CTNNA2: variants seen among roughly 807,000 people sequenced by gnomAD.
The protein encoded by CTNNA2 is catenin alpha-2.
Under a neutral mutation model 101.0 loss-of-function variants are expected in CTNNA2, and 42 were observed. The ratio of observed to expected loss-of-function variants is 0.42; its 90% CI spans 0.32 to 0.54. The LOEUF (loss-of-function observed/expected upper bound fraction) is 0.54, where lower values mean the gene tolerates loss of function less well. Ranked by LOEUF, CTNNA2 falls within the 20% of genes least tolerant of loss-of-function variation. The pLI, the probability that CTNNA2 is intolerant of heterozygous loss-of-function variation, is 0.14. For synonymous variants in CTNNA2, 450 were observed against 456.4 expected, an observed-to-expected ratio of 0.99 and a Z score of 0.18; for missense variants, 871 against 1,223.1, an observed-to-expected ratio of 0.71 and a Z score of 4.29.
chr2:79,450,986 A>C (rs530130583), intron 4 of CTNNA2, among the ~76,000 whole-genome samples: 119 of 152,118 alleles, frequency 7.8e-4, no homozygotes, highest in African/African-American at 2.6e-3. Flanking sequence ...ATCCACACTC[A>C]CCCAGATGAG....
rs138174045 is a variant in CTNNA2 at position 79,890,289 on chromosome 2, G to A, written c.852+15947G>A. On this transcript the variant is annotated intron_variant, in intron 6 of 18. Transcript: ENST00000402739. The stretch of plus-strand genomic sequence containing the variant: ...GAACCACAGCCTGAAGCAGTTTATC[G>A]TATTTTAAACATGTTCTGTCCAAAA... 5.5e-4 allele frequency among the ~76,000 whole-genome samples: 84 copies of A among 152,264 alleles called. 1 individual carries two copies. Among genetic ancestry groups the A allele is most frequent in the African/African-American group, 1.8e-3 (76 of 41,548 alleles).
intron 3 of CTNNA2, among the ~76,000 whole-genome samples, chr2:79,844,778 A>C (rs1680074016): frequency 6.6e-6 from 1 of 152,054 alleles, no homozygotes. Context: ...AGGCCGAAGG[A>C]CTGCTTGATG....
At chr2:80,245,560 A>G (rs1173436526) in intron 7 of CTNNA2, among the ~76,000 whole-genome samples, 4 of 151,974 alleles carry the variant, frequency 2.6e-5, no homozygotes, top group Non-Finnish European at 4.4e-5. Context: ...CTTTCCTCAC[A>G]TATTTTTCTT....
intron 3 of CTNNA2, chr2:79,340,216 GGT>G (rs1161554278): frequency 6.6e-6 from 1 of 152,190 alleles, no homozygotes; most frequent in African/African-American, 2.4e-5. Flanking sequence ...CAATGTGTGT[GGT>G]GTGTGTATCT....
At chr2:80,639,335 C>T (rs2149849743) in intron 18 of CTNNA2, among the ~76,000 whole-genome samples, 1 of 152,128 alleles carries the variant, frequency 6.6e-6, no homozygotes, top group Non-Finnish European at 1.5e-5. Flanking sequence ...TCAGCCTCCC[C>T]AGTAGTTGGG....
chr2:80,618,552 A>G (rs536763633), intron 17 of CTNNA2, among the ~76,000 whole-genome samples: 129 of 152,020 alleles, frequency 8.5e-4, no homozygotes, highest in African/African-American at 2.7e-3. Flanking sequence ...CAATGAATGC[A>G]TTAGTCCTTC....
At position 79,513,157 on chromosome 2, in the gene CTNNA2, G is replaced by C. The variant is rs1415686593; in HGVS notation, c.-56G>C. 2 of 152,596 alleles carry C rather than the reference G, an allele frequency of 1.3e-5. No homozygotes were observed. The highest frequency in any genetic ancestry group is 2.9e-5 in the Non-Finnish European group (2 of 68,422). 9.5% of individuals were successfully genotyped at this position (152,596 alleles called of 1,614,324 possible). A position where few individuals can be genotyped will look rare whatever the true frequency, so the allele number is the denominator to read the frequency against. On this transcript the variant is annotated 5_prime_UTR_variant, in exon 1 of 19. Coordinates refer to ENST00000402739, the MANE Select transcript of CTNNA2 (RefSeq NM_001282597.3). Reference sequence around the variant, plus strand: ...TCTGTGATTACCACTCCAGCTGCTGGGAACGGGCGAGAAAGAGGAGGAGGC... The same window carrying C: ...TCTGTGATTACCACTCCAGCTGCTGCGAACGGGCGAGAAAGAGGAGGAGGC...
chr2:79,218,099 A>G (rs527801667), intron 2 of CTNNA2, among the ~76,000 whole-genome samples: 47 of 152,328 alleles, frequency 3.1e-4, no homozygotes, highest in Admixed American at 1.3e-4. Flanking sequence ...AGAAATAAAA[A>G]ACTTGAAGCT....
chr2:79,621,083 T>C (rs1337483482), intron 1 of CTNNA2, among the ~76,000 whole-genome samples: 1 of 152,174 alleles, frequency 6.6e-6, no homozygotes, highest in Admixed American at 6.5e-5. Flanking sequence ...AGCTTTTACA[T>C]GTGTGGGTAA....
intron 1 of CTNNA2, chr2:79,575,587 A>G (rs1444911016): frequency 6.6e-6 from 1 of 152,294 alleles, no homozygotes; most frequent in Non-Finnish European, 1.5e-5. Context: ...TGCTGTCTCT[A>G]TGCCCATAGC....
At chr2:80,452,103 C>T (rs1197698886) in intron 9 of CTNNA2, among the ~76,000 whole-genome samples, 4 of 152,162 alleles carry the variant, frequency 2.6e-5, no homozygotes, top group African/African-American at 9.7e-5. Context: ...AGCAACCATA[C>T]CACAAGATAT....
At chr2:80,202,239 C>G (rs1008248167) in intron 7 of CTNNA2, among the ~76,000 whole-genome samples, 2 of 152,082 alleles carry the variant, frequency 1.3e-5, no homozygotes, top group African/African-American at 4.8e-5. Context: ...AATTAATCAC[C>G]CAGACATAGC....
chr2:79,264,479 T>G (rs995013852), intron 2 of CTNNA2, among the ~76,000 whole-genome samples: 1 of 152,110 alleles, frequency 6.6e-6, no homozygotes, highest in Admixed American at 6.6e-5. Context: ...ACTCCATATC[T>G]CCTCTTGATC....
intron 7 of CTNNA2, among the ~76,000 whole-genome samples, chr2:79,951,284 G>A (rs1047634368): frequency 1.3e-5 from 2 of 152,106 alleles, no homozygotes; most frequent in Admixed American, 6.6e-5. Context: ...CAGCCACCCC[G>A]CCCAAAGATA....
intron 4 of CTNNA2, among the ~76,000 whole-genome samples, chr2:79,472,607 C>T (rs1289821109): frequency 6.6e-6 from 1 of 152,174 alleles, no homozygotes; most frequent in African/African-American, 2.4e-5. Context: ...TTCAAATTAG[C>T]AGTTTTTCTG....
At chr2:80,427,666 G>A (rs1393502165) in intron 9 of CTNNA2, among the ~76,000 whole-genome samples, 1 of 152,186 alleles carries the variant, frequency 6.6e-6, no homozygotes, top group African/African-American at 2.4e-5. Context: ...GGAAATTCAG[G>A]GCTTGGAAGT....
At chr2:79,906,593 T>C (rs138873198) in intron 6 of CTNNA2, among the ~76,000 whole-genome samples, 1 of 152,346 alleles carries the variant, frequency 6.6e-6, no homozygotes, top group East Asian at 1.9e-4. Context: ...ATGTGATGGA[T>C]AGTGTAACTT....
chr2:80,287,848 A>G (rs1011066051), intron 7 of CTNNA2, among the ~76,000 whole-genome samples: 1 of 152,198 alleles, frequency 6.6e-6, no homozygotes, highest in African/African-American at 2.4e-5. Flanking sequence ...CTTAACTCAC[A>G]CCTTCGATAG....
chr2:79,583,381 A>AT (rs1411856214), intron 1 of CTNNA2, among the ~76,000 whole-genome samples: 1 of 150,742 alleles, frequency 6.6e-6, no homozygotes. Context: ...GGTAGTTGTG[A>AT]TTTTTTTTCT....
Sources: allele counts gnomAD v4.1 joint callset (sites outside exome capture counted in the v4.1 genomes callset), GRCh38; gene constraint gnomAD v4.1.1; transcripts MANE v1.5; gene names NCBI Gene and HGNC (gene_info 2026-07-23, HGNC 2026-07-21).